Variants in ATRNL1 observed in about 807,000 individuals in gnomAD.
ATRNL1 encodes attractin-like protein 1.
Under a neutral mutation model 182.7 loss-of-function variants are expected in ATRNL1, and 95 were observed. The observed-to-expected ratio is 0.52, with a 90% CI of 0.44 to 0.62. The LOEUF is 0.62. Among genes scored for constraint, ATRNL1 ranks in the 20% least tolerant of loss-of-function variants. The pLI is 0.00. For missense variants in ATRNL1, 1,471 were observed against 1,679.5 expected (o/e 0.88, Z 2.17); for synonymous variants, 576 against 568.3 (o/e 1.01, Z -0.19).
At chr10:115,255,997 G>T (rs528375475) in intron 10 of ATRNL1, among the ~76,000 whole-genome samples, 3 of 152,094 alleles carry the variant, frequency 2.0e-5, no homozygotes, top group African/African-American at 7.2e-5. Flanking sequence ...TGACTTGATC[G>T]TGGTGGATAA....
At chr10:115,315,411 T>A (rs1348776269) in intron 17 of ATRNL1, 107 bp from the exon 18 acceptor site, 1 of 788,290 alleles carries the variant, frequency 1.3e-6, no homozygotes. Context: ...TAACTATAGA[T>A]GACCTTTCAT....
chr10:115,157,502 T>C (rs1448636635), intron 5 of ATRNL1, among the ~76,000 whole-genome samples: 1 of 152,076 alleles, frequency 6.6e-6, no homozygotes, highest in East Asian at 1.9e-4. Flanking sequence ...AAAGACAACA[T>C]ATAGATTGGG....
intron 26 of ATRNL1, among the ~76,000 whole-genome samples, chr10:115,626,585 T>C (rs930277196): frequency 1.3e-5 from 2 of 152,186 alleles, no homozygotes; most frequent in Non-Finnish European, 2.9e-5. Context: ...CAGGCAGCAA[T>C]TTAAATCATT....
chr10:115,492,580 TTTAC>T (rs1240839545), intron 24 of ATRNL1, among the ~76,000 whole-genome samples: 1 of 148,136 alleles, frequency 6.8e-6, no homozygotes, highest in Non-Finnish European at 1.5e-5. Flanking sequence ...TTATATTTCA[TTTAC>T]TTTATATATT....
At chr10:115,115,474 A>T (rs1554869651) in intron 1 of ATRNL1, among the ~76,000 whole-genome samples, 1 of 152,104 alleles carries the variant, frequency 6.6e-6, no homozygotes, top group African/African-American at 2.4e-5. Flanking sequence ...CTCAGTCTGC[A>T]ATGTATACAT....
At chr10:115,695,747 C>G (rs1946537094) in intron 26 of ATRNL1, among the ~76,000 whole-genome samples, 1 of 152,034 alleles carries the variant, frequency 6.6e-6, no homozygotes, top group Non-Finnish European at 1.5e-5. Context: ...TGACTATTCC[C>G]AGCCATTTAA....
intron 26 of ATRNL1, among the ~76,000 whole-genome samples, chr10:115,573,454 CATGGCTGGGGGT>C: frequency 6.6e-6 from 1 of 151,620 alleles, no homozygotes; most frequent in East Asian, 2.0e-4. Context: ...AGGATGGGGG[CATGGCTGGGGGT>C]AGGATAGGGA....
chr10:115,355,886 A>C lies in ATRNL1; in HGVS notation c.3175+21467A>C, dbSNP rs184698970. On this transcript the variant is annotated intron_variant, in intron 19 of 28. Transcript: ENST00000355044. ...TATCTGATTTTCTTAATTTCTCTCT[A>C]TATTTTAAGTTTTTAACAGTGATAA... is the stretch of plus-strand genomic sequence containing the variant. Among the ~76,000 whole-genome samples, 1,004 of 151,920 alleles carry C rather than the reference A, an allele frequency of 6.6e-3. 11 individuals carry two copies. The highest frequency in any genetic ancestry group is 0.023 in the African/African-American group (949 of 41,438).
At chr10:115,468,547 T>G (rs1419772593) in intron 23 of ATRNL1, among the ~76,000 whole-genome samples, 1 of 146,032 alleles carries the variant, frequency 6.8e-6, no homozygotes, top group Admixed American at 6.9e-5. Flanking sequence ...CTTTGTTCTA[T>G]TTTATTAACT....
Position 115,679,048 on chromosome 10 carries a change from G to A in ATRNL1, c.3796-48200G>A, listed in dbSNP as rs576987560. 2.0e-5 allele frequency among the ~76,000 whole-genome samples: 3 copies of A among 152,246 alleles called. No homozygotes were observed. The South Asian group carries it at 6.2e-4, about 32-fold the overall frequency. ...AAGCATTTTGGAAATCCACTGTGCA[G>A]TAGTTGTAAAAGTGAAGGATCCTGA... On this transcript the variant is annotated intron_variant, in intron 26 of 28. Coordinates refer to ENST00000355044, the MANE Select transcript of ATRNL1 (RefSeq NM_207303.4).
intron 20 of ATRNL1, among the ~76,000 whole-genome samples, chr10:115,418,774 C>A (rs1290348146): frequency 1.3e-5 from 2 of 152,022 alleles, no homozygotes; most frequent in Non-Finnish European, 2.9e-5. Flanking sequence ...CCTTTCAGGG[C>A]AGGAGGGAAT....
At chr10:115,362,300 A>C (rs1162086121) in intron 19 of ATRNL1, among the ~76,000 whole-genome samples, 3 of 152,202 alleles carry the variant, frequency 2.0e-5, no homozygotes, top group South Asian at 4.1e-4. Context: ...ATAAATAAAA[A>C]TGTAAGTTAA....
At position 115,816,693 on chromosome 10, in the gene ATRNL1, T is replaced by A. The variant is rs1427406869; in HGVS notation, c.3904-31184T>A. On this transcript the variant is annotated intron_variant, in intron 27 of 28. Coordinates refer to ENST00000355044, the MANE Select transcript of ATRNL1 (RefSeq NM_207303.4). ...AAGTTTCAGTCCTCTACTACGCACT[T>A]TAACTATTTTCCTATTTTTTAGCAG... Among the ~76,000 whole-genome samples, 3 of 152,006 alleles carry A rather than the reference T, an allele frequency of 2.0e-5. No individual in the cohort carries two copies. The East Asian group carries it at 5.8e-4, about 29-fold the overall frequency.
intron 9 of ATRNL1, among the ~76,000 whole-genome samples, chr10:115,217,247 C>A (rs1849269987): frequency 6.6e-6 from 1 of 152,110 alleles, no homozygotes; most frequent in African/African-American, 2.4e-5. Flanking sequence ...CACCACCATG[C>A]CCGGCTAATT....
At chr10:115,402,007 A>G (rs559759447) in intron 20 of ATRNL1, among the ~76,000 whole-genome samples, 7 of 152,286 alleles carry the variant, frequency 4.6e-5, no homozygotes, top group South Asian at 4.1e-4. Context: ...AGGTATCTCA[A>G]ATATTCTCCA....
chr10:115,300,365 C>T (rs1204886429), intron 16 of ATRNL1, 118 bp downstream of exon 16: 11 of 726,960 alleles, frequency 1.5e-5, no homozygotes, highest in South Asian at 9.2e-5. Flanking sequence ...TATTTTTATA[C>T]ACATTCTTCC....
At position 115,607,536 on chromosome 10, in the gene ATRNL1, G is replaced by C. The variant is rs533193332; in HGVS notation, c.3795+58000G>C. Among the ~76,000 whole-genome samples the C allele has an allele frequency of 3.3e-5, 5 of 151,762 alleles. No individual in the cohort carries two copies. The South Asian group carries it at 8.3e-4, about 25-fold the overall frequency. ...TTTGCCCTAATACCAATTCTATATG[G>C]TAGAGACTTTAGGAAATATAACCCC... On this transcript the variant is annotated intron_variant, in intron 26 of 28. Transcript: ENST00000355044.
intron 1 of ATRNL1, among the ~76,000 whole-genome samples, chr10:115,106,597 A>G (rs1005718103): frequency 5.3e-5 from 8 of 152,184 alleles, no homozygotes; most frequent in African/African-American, 1.9e-4. Flanking sequence ...AGGTAATTGA[A>G]TCATGGGGGC....
At chr10:115,491,881 C>T (rs1849315912) in intron 24 of ATRNL1, among the ~76,000 whole-genome samples, 1 of 152,190 alleles carries the variant, frequency 6.6e-6, no homozygotes, top group South Asian at 2.1e-4. Flanking sequence ...GTGGCATAGA[C>T]ACCAGAGGGA....
Sources: gnomAD v4.1 joint callset for allele counts (sites outside exome capture counted in the v4.1 genomes callset) on GRCh38, gnomAD v4.1.1 for gene constraint, MANE v1.5 for transcripts, NCBI Gene and HGNC (gene_info 2026-07-23, HGNC 2026-07-21) for gene names.